Variants in DIP2B observed in about 807,000 individuals in gnomAD.
DIP2B encodes the protein disco-interacting protein 2 homolog B.
A neutral mutation model predicts 198.0 loss-of-function variants in DIP2B; 76 were observed. The observed-to-expected ratio is 0.38, with a 90% CI of 0.32 to 0.46. The LOEUF is 0.46. Among genes scored for constraint, DIP2B ranks in the 20% least tolerant of loss-of-function variants. The pLI is 0.99. For synonymous variants in DIP2B, 701 were observed against 739.1 expected (o/e 0.95, Z 0.84); for missense variants, 1,559 against 1,978.4 (o/e 0.79, Z 4.02).
intron 1 of DIP2B, among the ~76,000 whole-genome samples, chr12:50,525,621 T>A (rs1241131369): frequency 1.3e-5 from 2 of 150,280 alleles, no homozygotes; most frequent in African/African-American, 4.9e-5. Flanking sequence ...CAAGAGATCC[T>A]CCCACCTCAG....
At chr12:50,661,442 C>T (rs1373754851) in intron 4 of DIP2B, among the ~76,000 whole-genome samples, 1 of 152,180 alleles carries the variant, frequency 6.6e-6, no homozygotes, top group Non-Finnish European at 1.5e-5. Context: ...GCTAACTTCT[C>T]AGAGCATTTG....
intron 1 of DIP2B, among the ~76,000 whole-genome samples, chr12:50,518,110 C>T (rs1010400151): frequency 1.3e-5 from 2 of 152,172 alleles, no homozygotes; most frequent in Non-Finnish European, 2.9e-5. Flanking sequence ...AATGTATCTT[C>T]CCACCTGTGG....
At chr12:50,663,555 C>CAAATAAATAAATGAAT (rs1555191043) in intron 4 of DIP2B, among the ~76,000 whole-genome samples, 1 of 141,808 alleles carries the variant, frequency 7.1e-6, no homozygotes, top group Non-Finnish European at 1.5e-5. Context: ...GACTCCGTCT[C>CAAATAAATAAATGAAT]AAATAAATAA....
At chr12:50,555,747 G>A (rs1475923923) in intron 1 of DIP2B, among the ~76,000 whole-genome samples, 1 of 151,814 alleles carries the variant, frequency 6.6e-6, no homozygotes, top group South Asian at 2.1e-4. Flanking sequence ...TTCACCCCAT[G>A]CTTGTTTGGC....
chr12:50,507,595 G>A (rs1021008817), intron 1 of DIP2B, among the ~76,000 whole-genome samples: 6 of 152,056 alleles, frequency 3.9e-5, no homozygotes, highest in East Asian at 1.9e-4. Context: ...ACTGTTGCCC[G>A]ATTTTAGCTT....
At chr12:50,522,666 T>A (rs1958131383) in intron 1 of DIP2B, among the ~76,000 whole-genome samples, 1 of 152,212 alleles carries the variant, frequency 6.6e-6, no homozygotes, top group Non-Finnish European at 1.5e-5. Flanking sequence ...TAACATAACA[T>A]TGAGTAAAAT....
chr12:50,581,241 G>A (rs1161389333), intron 1 of DIP2B, among the ~76,000 whole-genome samples: 1 of 149,468 alleles, frequency 6.7e-6, no homozygotes, highest in Non-Finnish European at 1.5e-5. Flanking sequence ...GGAAATGCCT[G>A]TAATTAGCCA....
At chr12:50,645,937 G>A (rs1938342436) in intron 3 of DIP2B, among the ~76,000 whole-genome samples, 1 of 151,886 alleles carries the variant, frequency 6.6e-6, no homozygotes, top group Admixed American at 6.6e-5. Flanking sequence ...AACTATTGAG[G>A]CAGGAGTATT....
chr12:50,557,809 T>G (rs1958484151), intron 1 of DIP2B, among the ~76,000 whole-genome samples: 1 of 152,202 alleles, frequency 6.6e-6, no homozygotes, highest in African/African-American at 2.4e-5. Flanking sequence ...CTTGCCTTTC[T>G]GCCATATGAT....
At chr12:50,682,827 A>G (rs1325016664) in intron 9 of DIP2B, among the ~76,000 whole-genome samples, 2 of 152,126 alleles carry the variant, frequency 1.3e-5, no homozygotes, top group Non-Finnish European at 2.9e-5. Flanking sequence ...TGGGTTTCCT[A>G]AGTAATTAAC....
At chr12:50,719,061 A>G (rs748553778) in intron 25 of DIP2B, 26 bp downstream of exon 25, 3 of 1,610,130 alleles carry the variant, frequency 1.9e-6, no homozygotes, top group Non-Finnish European at 2.5e-6. Context: ...TGGTATATCT[A>G]ATCAGCTGAC....
chr12:50,691,213 A>T, intron 13 of DIP2B, 62 bp downstream of exon 13: 4 of 1,410,876 alleles, frequency 2.8e-6, no homozygotes, highest in Non-Finnish European at 4.0e-6. Context: ...CTGTGAGCAC[A>T]ATGCTCAGTG....
rs201096036 is a variant in DIP2B at position 50,541,302 on chromosome 12, A to AT, written c.100+36068dup. On this transcript the variant is annotated intron_variant, in intron 1 of 37. Transcript: ENST00000301180. The stretch of plus-strand genomic sequence containing the variant: ...CTTTTTAAGCTTCTTTTATTTATTT[A>AT]TTTTTTATCTAATATCAGTCACTCA... Among the ~76,000 whole-genome samples, 77 of 150,898 alleles carry AT rather than the reference A, an allele frequency of 5.1e-4. 1 individual carries two copies. In the East Asian group the frequency reaches 0.014, roughly 28 times the overall value.
rs76990713 is a variant in DIP2B, at chr12:50,732,234, T to G, written c.3811-132T>G. On this transcript the variant is annotated intron_variant, in intron 31 of 37. Coordinates refer to ENST00000301180, the MANE Select transcript of DIP2B (RefSeq NM_173602.3). ...TTCTTCTTTTCTGAAAGCTGCTTTT[T>G]TCTCTGTGTGCCTGAGGTGAGAATA... 2.1e-3 allele frequency: 2,000 copies of G among 958,930 alleles called. 25 individuals are homozygous for G. In the African/African-American group the frequency reaches 0.029, roughly 14 times the overall value. 59.4% of individuals were successfully genotyped at this position (958,930 alleles called of 1,614,324 possible).
At position 50,635,085 on chromosome 12, in the gene DIP2B, G is replaced by T. The variant is rs185222033; in HGVS notation, c.173-5639G>T. Reference sequence around the variant, plus strand: ...TTTCTTTAATTTTTAAATGAAGTTGGTACATCTATTTTAAATAGTACTACA... The same window carrying T: ...TTTCTTTAATTTTTAAATGAAGTTGTTACATCTATTTTAAATAGTACTACA... On this transcript the variant is annotated intron_variant, in intron 2 of 37. Transcript: ENST00000301180. 3.9e-5 allele frequency among the ~76,000 whole-genome samples: 6 copies of T among 152,206 alleles called. No homozygotes were observed. The East Asian group carries it at 9.7e-4, about 25-fold the overall frequency.
chr12:50,566,371 A>G (rs1328210979), intron 1 of DIP2B, among the ~76,000 whole-genome samples: 1 of 152,172 alleles, frequency 6.6e-6, no homozygotes, highest in Non-Finnish European at 1.5e-5. Context: ...TTTAAAAAAT[A>G]TTGTTTGCAC....
chr12:50,534,023 T>C (rs1190506157), intron 1 of DIP2B, among the ~76,000 whole-genome samples: 1 of 152,222 alleles, frequency 6.6e-6, no homozygotes, highest in Non-Finnish European at 1.5e-5. Context: ...TTAGAATTCA[T>C]CAATACTTAG....
chr12:50,735,260 C>A, intron 34 of DIP2B, 130 bp downstream of exon 34: 3 of 1,000,484 alleles, frequency 3.0e-6, no homozygotes, highest in Non-Finnish European at 4.6e-6. Context: ...ATAATTTCAG[C>A]TTGGCTAATA....
chr12:50,727,369 A>G (rs1939955369), intron 28 of DIP2B, among the ~76,000 whole-genome samples: 1 of 152,214 alleles, frequency 6.6e-6, no homozygotes, highest in Non-Finnish European at 1.5e-5. Context: ...GAAAACAGAC[A>G]CAAAGAGGTG....
Sources: allele counts gnomAD v4.1 joint callset (sites outside exome capture counted in the v4.1 genomes callset), GRCh38; gene constraint gnomAD v4.1.1; transcripts MANE v1.5; gene names NCBI Gene and HGNC (gene_info 2026-07-23, HGNC 2026-07-21).